HHIPL1: variants seen among roughly 807,000 people sequenced by gnomAD.
HHIPL1 encodes the protein HHIP-like protein 1.
Under a neutral mutation model 61.8 loss-of-function variants are expected in HHIPL1, and 43 were observed. That is an observed-to-expected ratio of 0.70 (90% CI 0.55 to 0.90). The LOEUF is 0.90. HHIPL1 is among the 40% of genes least tolerant of loss of function. HHIPL1 has a pLI of 0.00. For missense variants in HHIPL1, 1,056 were observed against 1,157.7 expected (o/e 0.91, Z 1.28); for synonymous variants, 482 against 515.8 (o/e 0.93, Z 0.89).
At chr14:99,620,677 C>T in the HHIPL1 span, among the ~76,000 whole-genome samples, 1 of 152,218 alleles carries the variant, frequency 6.6e-6, no homozygotes, top group Non-Finnish European at 1.5e-5. Context: ...TGGGCAGTGG[C>T]CTACCAGCTT....
At chr14:99,635,013 C>T in the HHIPL1 span, among the ~76,000 whole-genome samples, 1 of 152,160 alleles carries the variant, frequency 6.6e-6, no homozygotes, top group Non-Finnish European at 1.5e-5. Context: ...TCACTACCTC[C>T]CCTCCGAGGG....
chr14:99,646,463 C>T (rs951418620), intron 1 of HHIPL1, among the ~76,000 whole-genome samples: 4 of 152,252 alleles, frequency 2.6e-5, no homozygotes, highest in Admixed American at 6.5e-5. Flanking sequence ...GGGCAGGTCA[C>T]TGCTGCACCT....
At chr14:99,619,143 C>T in the HHIPL1 span, among the ~76,000 whole-genome samples, 1 of 152,142 alleles carries the variant, frequency 6.6e-6, no homozygotes, top group Admixed American at 6.5e-5. Flanking sequence ...GTCCATTTTA[C>T]AGATGCCGCA....
At chr14:99,631,116 T>TTCTC in the HHIPL1 span, among the ~76,000 whole-genome samples, 133 of 125,626 alleles carry the variant, frequency 1.1e-3, 1 homozygote, top group African/African-American at 3.8e-3. Context: ...TTCTCTCTCT[T>TTCTC]TCTTTCTTTC....
chr14:99,636,862 C>T, the HHIPL1 span, among the ~76,000 whole-genome samples: 51 of 150,822 alleles, frequency 3.4e-4, no homozygotes, highest in Middle Eastern at 3.4e-3. Context: ...AAGTGCATGC[C>T]TGTAGTCCCA....
the HHIPL1 span, among the ~76,000 whole-genome samples, chr14:99,611,211 C>G: frequency 2.6e-5 from 4 of 152,144 alleles, no homozygotes; most frequent in African/African-American, 9.7e-5. Flanking sequence ...CTGACTGCAG[C>G]CTTAACCTCC....
chr14:99,659,415 AC>A lies in HHIPL1; in HGVS notation c.1047-9del. ...GCGACCCCGAGCCGCGCCCTCTCCC[AC>A]CCCGCCCGCAGGTCGGCGCTGCTGG... On this transcript the variant is annotated splice_polypyrimidine_tract_variant and intron_variant, in intron 3 of 8. Coordinates refer to ENST00000330710, the MANE Select transcript of HHIPL1 (RefSeq NM_001127258.3). 4 of 1,420,732 alleles carry A rather than the reference AC, an allele frequency of 2.8e-6. No homozygotes were observed. Among genetic ancestry groups the A allele is most frequent in the Non-Finnish European group, 3.7e-6 (4 of 1,090,438 alleles). 88.0% of individuals were successfully genotyped at this position (1,420,732 alleles called of 1,614,324 possible).
chr14:99,605,316 G>A, the HHIPL1 span, among the ~76,000 whole-genome samples: 1 of 146,816 alleles, frequency 6.8e-6, no homozygotes, highest in South Asian at 2.2e-4. Context: ...CTGTAAGTCT[G>A]TCTCGTTATC....
At chr14:99,659,859 C>T (rs1431364698) in intron 4 of HHIPL1, 103 bp downstream of exon 4, 5 of 625,528 alleles carry the variant, frequency 8.0e-6, no homozygotes, top group Middle Eastern at 9.6e-4. Context: ...CCCCCCCCCC[C>T]GGAGATCCCT....
the HHIPL1 span, among the ~76,000 whole-genome samples, chr14:99,615,285 C>T: frequency 3.9e-5 from 6 of 152,288 alleles, no homozygotes; most frequent in African/African-American, 7.2e-5. Context: ...CAGTGGCTCA[C>T]GCCTGTAATC....
At chr14:99,618,434 T>C in the HHIPL1 span, among the ~76,000 whole-genome samples, 123,044 of 152,214 alleles carry the variant, frequency 0.81, 50,582 homozygotes, top group Middle Eastern at 0.9. Context: ...GAGTGAAATG[T>C]CCAGCTCCCC....
chr14:99,659,548 C>T lies in HHIPL1; in HGVS notation c.1167C>T (p.Tyr389=), dbSNP rs2056108280. 1.3e-6 allele frequency: 2 copies of T among 1,548,038 alleles called. No homozygotes were observed. The highest frequency in any genetic ancestry group is 1.7e-4 in the Middle Eastern group (1 of 5,938). Residue 389 remains tyrosine, a synonymous_variant, in exon 4 of 9, where the codon TAC becomes TAT. Transcript: ENST00000330710. The part of the protein sequence containing the change: ...VGDPAAQPEV[Y]ALGVRNMWRC... ...ACCCCGCGGCGCAGCCCGAGGTCTA[C>T]GCCCTGGGCGTGCGCAACATGTGGC...
rs1344647173 is a variant in HHIPL1 at position 99,646,852 on chromosome 14, A to G, written c.255+1390A>G. ...GATATGATATAATATAATATAATAT[A>G]ATATAATATGATATAATATGATACA... On this transcript the variant is annotated intron_variant, in intron 1 of 8. Transcript: ENST00000330710. Among the ~76,000 whole-genome samples the G allele has an allele frequency of 3.0e-4, 39 of 131,706 alleles. No homozygotes were observed. The South Asian group carries it at 6.0e-3, about 20-fold the overall frequency. The allele number at this position is 131,706 out of a possible 152,430, so 86.4% of individuals were successfully genotyped here.
intron 6 of HHIPL1, among the ~76,000 whole-genome samples, chr14:99,663,673 T>A (rs111870841): frequency 4.3e-4 from 65 of 152,322 alleles, no homozygotes; most frequent in African/African-American, 1.6e-3. Context: ...GGAGTTGCTC[T>A]GGTTCACAGG....
upstream of HHIPL1, among the ~76,000 whole-genome samples, chr14:99,644,829 C>G (rs1227514314): frequency 2.0e-5 from 3 of 152,204 alleles, no homozygotes; most frequent in African/African-American, 7.2e-5. Context: ...TTTCCCTAGC[C>G]CAGTGGGAGG....
In HHIPL1 at chr14:99,668,568, G is replaced by A. The variant is rs899394954; in HGVS notation, c.1730+265G>A. Among the ~76,000 whole-genome samples, 1 of 152,108 alleles carries A rather than the reference G, an allele frequency of 6.6e-6. No homozygotes were observed. The highest frequency in any genetic ancestry group is 6.5e-5 in the Admixed American group (1 of 15,286). ...GGAGAGGTGACTGGGGCCGCGGGCC[G>A]AGGCTTCACTTGGCTTTCTTGCCTG... On this transcript the variant is annotated intron_variant, in intron 7 of 8. Transcript: ENST00000330710. This position sits in a 1 kb window ranked among gnomAD's most constrained non-coding sequence, Gnocchi z 4.7.
In HHIPL1 at chr14:99,668,162, G is replaced by A; in HGVS notation, c.1649-60G>A. 9.7e-7 allele frequency: 1 copy of A among 1,034,006 alleles called. No homozygotes were observed. 64.1% of individuals were successfully genotyped at this position (1,034,006 alleles called of 1,614,324 possible). ...CTGCAGGGAGCCGGGTGGTGAGGCG[G>A]GGCTGGCTGGGACGGTATTCCAGGT... On this transcript the variant is annotated intron_variant, in intron 6 of 8. Coordinates refer to ENST00000330710, the MANE Select transcript of HHIPL1 (RefSeq NM_001127258.3). This position sits in a 1 kb window ranked among gnomAD's most constrained non-coding sequence, Gnocchi z 4.7.
chr14:99,644,339 T>C (rs1486603782), upstream of HHIPL1, among the ~76,000 whole-genome samples: 1 of 151,378 alleles, frequency 6.6e-6, no homozygotes, highest in African/African-American at 2.4e-5. Flanking sequence ...AATGCCTGGG[T>C]GGTTTTGGTG....
At chr14:99,623,179 G>A in the HHIPL1 span, among the ~76,000 whole-genome samples, 4 of 152,170 alleles carry the variant, frequency 2.6e-5, no homozygotes, top group Non-Finnish European at 2.9e-5. Flanking sequence ...CTGCCAGCTC[G>A]GGCTTTTATC....
Sources: gnomAD v4.1 joint callset for allele counts (sites outside exome capture counted in the v4.1 genomes callset) on GRCh38, gnomAD v4.1.1 for gene constraint, Gnocchi (gnomAD v3.1) non-coding constraint, MANE v1.5 for transcripts, NCBI Gene and HGNC (gene_info 2026-07-23, HGNC 2026-07-21) for gene names.